The following NCAM2 variants were observed in gnomAD, a reference collection of about 807,000 sequenced individuals.
NCAM2 encodes N-CAM-2.
Under a neutral mutation model 98.1 loss-of-function variants are expected in NCAM2, and 30 were observed. That is an observed-to-expected ratio of 0.31 (90% CI 0.23 to 0.41). NCAM2 has a LOEUF of 0.41. NCAM2 is among the 10% of genes least tolerant of loss of function. The probability of loss-of-function intolerance (pLI) is 1.00; values close to 1 mark genes in which losing one functional copy is unlikely to be tolerated. For missense variants in NCAM2, 867 were observed against 1,005.8 expected (o/e 0.86, Z 1.87); for synonymous variants, 368 against 342.4 (o/e 1.07, Z -0.83).
At chr21:21,025,275 C>T (rs544046270) in intron 1 of NCAM2, among the ~76,000 whole-genome samples, 12 of 152,070 alleles carry the variant, frequency 7.9e-5, no homozygotes, top group African/African-American at 2.2e-4. Context: ...TTAGTAGAGA[C>T]GGGGTTTCAC....
chr21:21,030,541 G>A (rs7283717), intron 1 of NCAM2, among the ~76,000 whole-genome samples: 3,334 of 152,204 alleles, frequency 0.022, 114 homozygotes, highest in African/African-American at 0.075. Flanking sequence ...CTCACGATTC[G>A]TATCTTAATC....
chr21:21,060,269 T>C (rs1246046855), intron 1 of NCAM2, among the ~76,000 whole-genome samples: 1 of 152,142 alleles, frequency 6.6e-6, no homozygotes, highest in Admixed American at 6.5e-5. Context: ...ATACCATATG[T>C]GAAAATAGTC....
At chr21:21,018,746 AGT>A (rs756154972) in intron 1 of NCAM2, among the ~76,000 whole-genome samples, 3 of 152,312 alleles carry the variant, frequency 2.0e-5, no homozygotes, top group Admixed American at 6.5e-5. Context: ...AGGTCAACTA[AGT>A]GCACTTATTT....
At chr21:21,520,732 G>A (rs1426414173) in intron 16 of NCAM2, among the ~76,000 whole-genome samples, 1 of 152,166 alleles carries the variant, frequency 6.6e-6, no homozygotes, top group Non-Finnish European at 1.5e-5. Flanking sequence ...CAGAGAGGCA[G>A]ATGCAGAAAA....
Position 21,239,064 on chromosome 21 carries a change from T to C in NCAM2, c.56-41514T>C, listed in dbSNP as rs78377312. On this transcript the variant is annotated intron_variant, in intron 1 of 17. Transcript: ENST00000400546. ...ATTGAGCAATAAACGGGGGGTGGGGTTGACATTGTACAAAGATACACAGAG... is the reference window on the plus strand; with the variant it reads ...ATTGAGCAATAAACGGGGGGTGGGGCTGACATTGTACAAAGATACACAGAG... Among the ~76,000 whole-genome samples, 8 of 152,118 alleles carry C rather than the reference T, an allele frequency of 5.3e-5. No homozygotes were observed. In the South Asian group the frequency reaches 1.0e-3, roughly 20 times the overall value.
intron 1 of NCAM2, among the ~76,000 whole-genome samples, chr21:21,245,309 C>A (rs2071221916): frequency 6.6e-6 from 1 of 152,154 alleles, no homozygotes; most frequent in African/African-American, 2.4e-5. Flanking sequence ...CTTGTAATTC[C>A]ACAAACTTTT....
intron 1 of NCAM2, among the ~76,000 whole-genome samples, chr21:21,141,766 A>G (rs1176470396): frequency 2.0e-5 from 3 of 152,296 alleles, no homozygotes; most frequent in East Asian, 3.9e-4. Context: ...AAGGTGTCCC[A>G]GGCCTAGGCT....
intron 1 of NCAM2, among the ~76,000 whole-genome samples, chr21:21,129,531 A>C (rs2066893130): frequency 1.3e-5 from 2 of 152,142 alleles, no homozygotes; most frequent in South Asian, 4.1e-4. Flanking sequence ...TATATACAAC[A>C]GAAATTTATC....
intron 16 of NCAM2, among the ~76,000 whole-genome samples, chr21:21,515,133 A>G (rs1988638796): frequency 6.6e-6 from 1 of 152,230 alleles, no homozygotes; most frequent in Non-Finnish European, 1.5e-5. Flanking sequence ...ATTTTAAGCA[A>G]CAAGCCAATA....
chr21:21,438,221 T>C (rs755628549), intron 12 of NCAM2, among the ~76,000 whole-genome samples: 3 of 152,162 alleles, frequency 2.0e-5, no homozygotes, highest in Non-Finnish European at 2.9e-5. Flanking sequence ...CTTATTGATG[T>C]GTCCAATTCT....
intron 9 of NCAM2, among the ~76,000 whole-genome samples, chr21:21,394,810 A>G (rs925146147): frequency 6.6e-6 from 1 of 152,126 alleles, no homozygotes; most frequent in African/African-American, 2.4e-5. Context: ...ATCTATTACA[A>G]TAGATATAAC....
intron 1 of NCAM2, among the ~76,000 whole-genome samples, chr21:21,012,679 C>G (rs2064232371): frequency 1.3e-5 from 2 of 152,008 alleles, no homozygotes; most frequent in South Asian, 4.2e-4. Flanking sequence ...TATTGTGTTT[C>G]CTTTTATTGC....
intron 1 of NCAM2, among the ~76,000 whole-genome samples, chr21:21,140,365 C>T (rs1256555613): frequency 6.6e-6 from 1 of 152,120 alleles, no homozygotes; most frequent in Non-Finnish European, 1.5e-5. Flanking sequence ...AAATGCACAT[C>T]AGGGTCTCTG....
chr21:21,509,859 T>A (rs1988249659), intron 16 of NCAM2, among the ~76,000 whole-genome samples: 1 of 152,190 alleles, frequency 6.6e-6, no homozygotes, highest in African/African-American at 2.4e-5. Flanking sequence ...CACACACGTT[T>A]GTGTGTTATG....
intron 12 of NCAM2, among the ~76,000 whole-genome samples, chr21:21,434,356 T>C (rs2077422014): frequency 6.6e-6 from 1 of 152,142 alleles, no homozygotes; most frequent in Non-Finnish European, 1.5e-5. Context: ...ACTGGGACAG[T>C]TAAAAGCTTG....
At chr21:21,134,270 C>G (rs2066996951) in intron 1 of NCAM2, among the ~76,000 whole-genome samples, 1 of 152,032 alleles carries the variant, frequency 6.6e-6, no homozygotes, top group Non-Finnish European at 1.5e-5. Flanking sequence ...CAGGGTTTCA[C>G]CATGTTGGTT....
intron 1 of NCAM2, among the ~76,000 whole-genome samples, chr21:21,153,834 T>C (rs539638422): frequency 6.6e-6 from 1 of 151,986 alleles, no homozygotes; most frequent in Admixed American, 6.6e-5. Context: ...TCTGAAAGCA[T>C]TTTAAAGGTA....
chr21:21,226,371 C>T (rs545393418), intron 1 of NCAM2, among the ~76,000 whole-genome samples: 117 of 151,938 alleles, frequency 7.7e-4, no homozygotes, highest in Non-Finnish European at 1.4e-3. Context: ...TAAAGGGAAA[C>T]AGAAACAAAT....
chr21:21,047,827 A>C (rs372930254), intron 1 of NCAM2, among the ~76,000 whole-genome samples: 2 of 152,218 alleles, frequency 1.3e-5, no homozygotes, highest in East Asian at 3.9e-4. Flanking sequence ...ATCTTGCCCA[A>C]ATTCCTCCTT....
Sources: allele counts gnomAD v4.1 joint callset (sites outside exome capture counted in the v4.1 genomes callset), GRCh38; gene constraint gnomAD v4.1.1; transcripts MANE v1.5; gene names NCBI Gene and HGNC (gene_info 2026-07-23, HGNC 2026-07-21).